Variants in KCNMB4 observed in about 807,000 individuals in gnomAD.
KCNMB4 encodes calcium-activated potassium channel subunit beta-4.
A neutral mutation model predicts 20.7 loss-of-function variants in KCNMB4; 3 were observed. That is an observed-to-expected ratio of 0.14 (90% confidence interval 0.07 to 0.37). KCNMB4 has a LOEUF of 0.37. Among genes scored for constraint, KCNMB4 ranks in the 10% least tolerant of loss-of-function variants. The pLI, the probability that KCNMB4 is intolerant of heterozygous loss-of-function variation, is 1.00. For missense variants in KCNMB4, 168 were observed against 265.9 expected (o/e 0.63, Z 2.56); for synonymous variants, 110 against 113.4 (o/e 0.97, Z 0.19).
At position 70,433,881 on chromosome 12, in the gene KCNMB4, C is replaced by G. The variant is rs1593354306; in HGVS notation, c.*3228C>G. 1 of 152,224 alleles carries G rather than the reference C, an allele frequency of 6.6e-6. No homozygotes were observed. The highest frequency in any genetic ancestry group is 2.4e-5 in the African/African-American group (1 of 41,452). 9.4% of individuals were successfully genotyped at this position (152,224 alleles called of 1,614,324 possible). A position where few individuals can be genotyped will look rare whatever the true frequency, so the allele number is the denominator to read the frequency against. ...CCCGTCTGAAACTTTTGAGGGACATCGCAGCTTTTGCAGCCCCTGCTTGCT... is the reference window on the plus strand; with the variant it reads ...CCCGTCTGAAACTTTTGAGGGACATGGCAGCTTTTGCAGCCCCTGCTTGCT... On this transcript the variant is annotated 3_prime_UTR_variant, in exon 3 of 3. Transcript: ENST00000258111.
intron 2 of KCNMB4, among the ~76,000 whole-genome samples, chr12:70,417,485 A>C (rs1263742184): frequency 4.6e-5 from 7 of 152,178 alleles, no homozygotes; most frequent in African/African-American, 1.7e-4. Flanking sequence ...GGCTAGATAG[A>C]GATCGATTAA....
At chr12:70,421,470 G>GAAAAAAAAAAAAAAAAAAAAAAAAAAAAA (rs61303899) in intron 2 of KCNMB4, among the ~76,000 whole-genome samples, 1 of 75,672 alleles carries the variant, frequency 1.3e-5, no homozygotes, top group Non-Finnish European at 2.4e-5. Flanking sequence ...TCTCAAAAAA[G>GAAAAAAAAAAAAAAAAAAAAAAAAAAAAA]AAAAAAAAAA....
chr12:70,423,635 G>A (rs542441269), intron 2 of KCNMB4, among the ~76,000 whole-genome samples: 4 of 152,050 alleles, frequency 2.6e-5, no homozygotes, highest in South Asian at 2.1e-4. Context: ...ATGCCACCAC[G>A]CCCATCGAAT....
intron 1 of KCNMB4, among the ~76,000 whole-genome samples, chr12:70,367,988 G>C (rs1046099220): frequency 2.0e-5 from 3 of 152,116 alleles, no homozygotes; most frequent in Non-Finnish European, 4.4e-5. Context: ...AGTGTCCTTA[G>C]CCTGTGAACT....
chr12:70,425,074 T>G (rs1437258635), intron 2 of KCNMB4, among the ~76,000 whole-genome samples: 1 of 152,148 alleles, frequency 6.6e-6, no homozygotes. Flanking sequence ...AGTCAGATAT[T>G]TTCATGGGTT....
chr12:70,401,792 C>A (rs1868459362), intron 2 of KCNMB4, among the ~76,000 whole-genome samples: 1 of 152,158 alleles, frequency 6.6e-6, no homozygotes, highest in Middle Eastern at 3.2e-3. Flanking sequence ...TCCCCACCAC[C>A]TGGCCTCTCA....
At chr12:70,370,566 C>T (rs1883574449) in intron 1 of KCNMB4, among the ~76,000 whole-genome samples, 1 of 151,852 alleles carries the variant, frequency 6.6e-6, no homozygotes, top group Admixed American at 6.6e-5. Flanking sequence ...CCTTGGCCTC[C>T]CAAAGGGCTG....
At chr12:70,416,524 A>T (rs1311083393) in intron 2 of KCNMB4, among the ~76,000 whole-genome samples, 1 of 152,226 alleles carries the variant, frequency 6.6e-6, no homozygotes, top group African/African-American at 2.4e-5. Context: ...CTCAAGTTTT[A>T]AAATTCTATT....
Position 70,430,225 on chromosome 12 carries a change from A to G in KCNMB4, c.465-260A>G, listed in dbSNP as rs1433215092. ...AAGTAACTTAGAATGAAGAAAAATC[A>G]TAGCATAAGAGATACATTTTTGACA... On this transcript the variant is annotated intron_variant, in intron 2 of 2. Coordinates refer to ENST00000258111, the MANE Select transcript of KCNMB4 (RefSeq NM_014505.6). 7.2e-5 allele frequency among the ~76,000 whole-genome samples: 11 copies of G among 152,190 alleles called. No homozygotes were observed. In the East Asian group the frequency reaches 7.7e-4, roughly 11 times the overall value.
chr12:70,402,383 C>T (rs1868475849), intron 2 of KCNMB4, among the ~76,000 whole-genome samples: 1 of 151,988 alleles, frequency 6.6e-6, no homozygotes. Context: ...TGGTTCACGC[C>T]TGTAATCCCA....
intron 2 of KCNMB4, among the ~76,000 whole-genome samples, chr12:70,421,470 GAAAAAAA>G (rs61303899): frequency 4.0e-5 from 3 of 75,674 alleles, no homozygotes; most frequent in African/African-American, 1.6e-4. Context: ...TCTCAAAAAA[GAAAAAAA>G]AAAAAAAAAA....
chr12:70,420,032 A>T (rs895699490), intron 2 of KCNMB4, among the ~76,000 whole-genome samples: 1 of 152,210 alleles, frequency 6.6e-6, no homozygotes, highest in African/African-American at 2.4e-5. Context: ...GAAAAAAGTA[A>T]ATCTTATAAC....
chr12:70,417,806 C>T (rs759330981), intron 2 of KCNMB4, among the ~76,000 whole-genome samples: 17 of 152,114 alleles, frequency 1.1e-4, no homozygotes, highest in Non-Finnish European at 1.9e-4. Flanking sequence ...ATTTACTGAG[C>T]TCTCACTTTG....
In KCNMB4 at chr12:70,366,952, G is replaced by A; in HGVS notation, c.218G>A (p.Gly73Asp). 6.2e-7 allele frequency: 1 copy of A among 1,610,818 alleles called. No homozygotes were observed. Among genetic ancestry groups the A allele is most frequent in the Non-Finnish European group, 8.5e-7 (1 of 1,178,578 alleles). Residue 73 changes from glycine (G) to aspartate (D), a missense_variant, in exon 1 of 3, where the codon GGC (glycine) becomes GAC (aspartate). By Grantham distance (94) the Gly-to-Asp change is moderately conservative. Coordinates refer to ENST00000258111, the MANE Select transcript of KCNMB4 (RefSeq NM_014505.6). ...GEVFECTFTC[G>D]ADCRGTSQYP... ...GTGTTCGAGTGCACCTTCACCTGTG[G>A]CGCCGACTGCAGGGGCACCTCGCAG...
chr12:70,418,463 C>T (rs965953405), intron 2 of KCNMB4, among the ~76,000 whole-genome samples: 5 of 152,070 alleles, frequency 3.3e-5, no homozygotes, highest in Admixed American at 3.3e-4. Context: ...ACTTCATTCA[C>T]CTGAAGCAAT....
chr12:70,393,404 T>C (rs891231871), intron 1 of KCNMB4, among the ~76,000 whole-genome samples: 1 of 152,104 alleles, frequency 6.6e-6, no homozygotes, highest in Non-Finnish European at 1.5e-5. Context: ...AGTTTCACCA[T>C]CTTGGCCAGC....
intron 1 of KCNMB4, among the ~76,000 whole-genome samples, chr12:70,386,869 A>G (rs529796590): frequency 3.3e-5 from 5 of 152,220 alleles, no homozygotes; most frequent in Admixed American, 6.5e-5. Flanking sequence ...TGAGACCTCT[A>G]TCTGTACACA....
intron 1 of KCNMB4, 118 bp downstream of exon 1, chr12:70,367,188 G>A: frequency 1.4e-6 from 1 of 739,776 alleles, no homozygotes; most frequent in Non-Finnish European, 2.1e-6. Flanking sequence ...AGGAGACCAG[G>A]TGGCGCAGGC....
chr12:70,403,817 A>C (rs953084333), intron 2 of KCNMB4, among the ~76,000 whole-genome samples: 15 of 152,188 alleles, frequency 9.9e-5, no homozygotes, highest in African/African-American at 3.1e-4. Flanking sequence ...TTTCCTCACC[A>C]GGCTGCACAC....
Sources: allele counts gnomAD v4.1 joint callset (sites outside exome capture counted in the v4.1 genomes callset), GRCh38; gene constraint gnomAD v4.1.1; transcripts MANE v1.5; gene names NCBI Gene and HGNC (gene_info 2026-07-23, HGNC 2026-07-21).